Variants in PTPRT observed in about 807,000 individuals in gnomAD.
PTPRT encodes receptor-type tyrosine-protein phosphatase T.
PTPRT carries 56 observed loss-of-function variants against 176.8 expected under a neutral mutation model. That is an observed-to-expected ratio of 0.32 (90% CI 0.26 to 0.40). The LOEUF (loss-of-function observed/expected upper bound fraction) is 0.40, where lower values mean the gene tolerates loss of function less well. PTPRT is among the 10% of genes least tolerant of loss of function. The pLI is 1.00. For missense variants in PTPRT, 1,540 were observed against 1,908.2 expected (o/e 0.81, Z 3.60); for synonymous variants, 783 against 739.0 (o/e 1.06, Z -0.96).
At chr20:42,109,565 A>AAAT (rs997341894) in intron 23 of PTPRT, among the ~76,000 whole-genome samples, 11 of 152,296 alleles carry the variant, frequency 7.2e-5, no homozygotes, top group East Asian at 3.9e-4. Context: ...GTGATCTTGA[A>AAAT]AATAATATAG....
intron 1 of PTPRT, among the ~76,000 whole-genome samples, chr20:43,168,671 T>C (rs2014918644): frequency 6.6e-6 from 1 of 152,150 alleles, no homozygotes; most frequent in Non-Finnish European, 1.5e-5. Context: ...CTGGAGTGAC[T>C]TGGCCACACC....
chr20:42,425,292 G>T (rs1270570071), intron 9 of PTPRT, among the ~76,000 whole-genome samples: 2 of 152,270 alleles, frequency 1.3e-5, no homozygotes, highest in Middle Eastern at 3.4e-3. Flanking sequence ...CATGAGGGGG[G>T]TGCATAAACC....
In PTPRT at chr20:43,085,762, T is replaced by C. The variant is rs565146733; in HGVS notation, c.88+103884A>G. Among the ~76,000 whole-genome samples the C allele has an allele frequency of 8.5e-5, 13 of 152,218 alleles. No homozygotes were observed. The East Asian group carries it at 2.5e-3, about 29-fold the overall frequency. ...TTCCACCAGGTCCTTCCCCGACATG[T>C]GAGAATTACAGGAGCTACAATTCAA... On this transcript the variant is annotated intron_variant, in intron 1 of 30. Coordinates refer to ENST00000373187, the MANE Select transcript of PTPRT (RefSeq NM_007050.6).
chr20:42,615,378 A>G (rs1402918982), intron 7 of PTPRT, among the ~76,000 whole-genome samples: 1 of 137,844 alleles, frequency 7.3e-6, no homozygotes, highest in Non-Finnish European at 1.5e-5. Flanking sequence ...GCTATTGTGA[A>G]TAATGCTGCA....
At chr20:42,839,930 A>AT (rs979850059) in intron 2 of PTPRT, among the ~76,000 whole-genome samples, 2 of 152,208 alleles carry the variant, frequency 1.3e-5, no homozygotes, top group African/African-American at 2.4e-5. Flanking sequence ...ACCCCAGGAG[A>AT]TCCCAACGCC....
chr20:42,481,675 C>T (rs1295134790), intron 7 of PTPRT, among the ~76,000 whole-genome samples: 6 of 151,420 alleles, frequency 4.0e-5, no homozygotes, highest in South Asian at 2.1e-4. Context: ...TTTGCCCAAG[C>T]GGGTCTCGAA....
chr20:42,091,031 A>C (rs952511354), intron 27 of PTPRT, among the ~76,000 whole-genome samples: 1 of 152,228 alleles, frequency 6.6e-6, no homozygotes, highest in Admixed American at 6.5e-5. Flanking sequence ...AGATACATAC[A>C]GGTAGTGGCG....
intron 1 of PTPRT, among the ~76,000 whole-genome samples, chr20:43,020,418 C>T (rs1985617668): frequency 6.6e-6 from 1 of 151,988 alleles, no homozygotes; most frequent in African/African-American, 2.4e-5. Context: ...GGCAACAGTG[C>T]ATGCATCAGG....
At chr20:42,155,752 T>C (rs754997383) in intron 17 of PTPRT, among the ~76,000 whole-genome samples, 2 of 152,192 alleles carry the variant, frequency 1.3e-5, no homozygotes, top group African/African-American at 2.4e-5. Context: ...AAAAAGTGCG[T>C]AGGCTTGTCT....
At chr20:42,093,799 G>A (rs919160944) in intron 27 of PTPRT, among the ~76,000 whole-genome samples, 1 of 152,200 alleles carries the variant, frequency 6.6e-6, no homozygotes, top group African/African-American at 2.4e-5. Context: ...TCAAAGAACC[G>A]CCCCTCCAGG....
chr20:43,011,263 C>A (rs1199342862), intron 1 of PTPRT, among the ~76,000 whole-genome samples: 1 of 152,176 alleles, frequency 6.6e-6, no homozygotes, highest in Non-Finnish European at 1.5e-5. Context: ...GCCCACGCCA[C>A]AAATGGCCAG....
At chr20:42,562,353 C>T (rs1045981244) in intron 7 of PTPRT, among the ~76,000 whole-genome samples, 6 of 152,180 alleles carry the variant, frequency 3.9e-5, no homozygotes, top group Non-Finnish European at 8.8e-5. Flanking sequence ...TGGAATCCTA[C>T]AGTATATACT....
chr20:42,426,218 C>T (rs1464297025), intron 9 of PTPRT, among the ~76,000 whole-genome samples: 1 of 152,008 alleles, frequency 6.6e-6, no homozygotes, highest in Non-Finnish European at 1.5e-5. Context: ...CACCACACTC[C>T]CCTATCCTGT....
intron 7 of PTPRT, among the ~76,000 whole-genome samples, chr20:42,657,909 C>T (rs999831442): frequency 1.4e-5 from 2 of 148,008 alleles, no homozygotes; most frequent in South Asian, 2.2e-4. Context: ...ATTTTTACAT[C>T]TCTGTGAGGT....
At chr20:42,689,818 C>T (rs1036522540) in intron 6 of PTPRT, among the ~76,000 whole-genome samples, 3 of 152,086 alleles carry the variant, frequency 2.0e-5, no homozygotes, top group African/African-American at 4.8e-5. Flanking sequence ...AAGCTGGTGA[C>T]GTCTAGAATC....
chr20:42,228,680 G>A (rs2056071575), intron 15 of PTPRT, among the ~76,000 whole-genome samples: 1 of 152,160 alleles, frequency 6.6e-6, no homozygotes, highest in Non-Finnish European at 1.5e-5. Context: ...ATAACTCAAT[G>A]AGAGACAAAA....
chr20:42,327,358 T>G (rs2057899914), intron 11 of PTPRT, among the ~76,000 whole-genome samples: 1 of 152,094 alleles, frequency 6.6e-6, no homozygotes, highest in Non-Finnish European at 1.5e-5. Context: ...CTTGATTGGA[T>G]CCTGGATTGA....
intron 1 of PTPRT, among the ~76,000 whole-genome samples, chr20:43,130,060 G>T (rs1041380340): frequency 6.6e-6 from 1 of 152,182 alleles, no homozygotes; most frequent in Non-Finnish European, 1.5e-5. Context: ...ATACAAGTGG[G>T]TAAGAGCAGG....
chr20:42,923,845 C>T (rs60552757), intron 1 of PTPRT, among the ~76,000 whole-genome samples: 4,364 of 149,466 alleles, frequency 0.029, 134 homozygotes, highest in African/African-American at 0.08. Context: ...TTTTTCTTTT[C>T]TTTTTTTTTT....
Sources: gnomAD v4.1 joint callset for allele counts (sites outside exome capture counted in the v4.1 genomes callset) on GRCh38, gnomAD v4.1.1 for gene constraint, MANE v1.5 for transcripts, NCBI Gene and HGNC (gene_info 2026-07-23, HGNC 2026-07-21) for gene names.